Variants in TNS3 observed in about 807,000 individuals in gnomAD.
TNS3 encodes the protein tensin 3.
Under a neutral mutation model 140.9 loss-of-function variants are expected in TNS3, and 45 were observed. The ratio of observed to expected loss-of-function variants is 0.32; its 90% CI spans 0.25 to 0.41. The LOEUF is 0.41. Among genes scored for constraint, TNS3 ranks in the 10% least tolerant of loss-of-function variants. The pLI, the probability that TNS3 is intolerant of heterozygous loss-of-function variation, is 1.00. For missense variants in TNS3, 1,716 were observed against 1,906.7 expected (o/e 0.90, Z 1.86); for synonymous variants, 815 against 788.4 (o/e 1.03, Z -0.56).
In TNS3 at chr7:47,437,252, G is replaced by A. The variant is rs1181094130; in HGVS notation, c.201+11C>T. ...TACAAAATGCAGAATATAAAGGGAT[G>A]AACTCTGTACCTTTGGGTTAAGCTT... On this transcript the variant is annotated intron_variant, in intron 7 of 30. Transcript: ENST00000311160. The A allele has an allele frequency of 6.4e-7, 1 of 1,551,876 alleles. No individual in the cohort carries two copies. Among genetic ancestry groups the A allele is most frequent in the Non-Finnish European group, 8.7e-7 (1 of 1,152,614 alleles).
intron 9 of TNS3, among the ~76,000 whole-genome samples, chr7:47,427,683 G>A (rs1211828800): frequency 6.6e-6 from 1 of 152,116 alleles, no homozygotes; most frequent in African/African-American, 2.4e-5. Flanking sequence ...GACCCGAGTG[G>A]CACCTCCAAA....
At chr7:47,426,751 T>C (rs1262677765) in intron 9 of TNS3, among the ~76,000 whole-genome samples, 3 of 152,130 alleles carry the variant, frequency 2.0e-5, no homozygotes, top group Non-Finnish European at 4.4e-5. Flanking sequence ...CCCTAAGACA[T>C]CTACCCTTCC....
chr7:47,343,231 C>T (rs890256099), intron 20 of TNS3, among the ~76,000 whole-genome samples: 5 of 152,176 alleles, frequency 3.3e-5, no homozygotes, highest in Non-Finnish European at 7.3e-5. Context: ...GACAATCGGG[C>T]CAGCATAAGA....
chr7:47,315,437 CG>C (rs1189024067), intron 20 of TNS3, among the ~76,000 whole-genome samples: 3 of 152,208 alleles, frequency 2.0e-5, no homozygotes, highest in Non-Finnish European at 4.4e-5. Context: ...CCTCTCCTCT[CG>C]GCTTCCACCT....
intron 16 of TNS3, among the ~76,000 whole-genome samples, chr7:47,395,986 C>T (rs982744188): frequency 1.3e-5 from 2 of 152,224 alleles, no homozygotes; most frequent in African/African-American, 4.8e-5. Context: ...GGAAGCTCAG[C>T]GATCCACAAA....
In TNS3 at chr7:47,322,661, A is replaced by G. The variant is rs556800481; in HGVS notation, c.2651-17658T>C. Among the ~76,000 whole-genome samples, 24 of 152,338 alleles carry G rather than the reference A, an allele frequency of 1.6e-4. No individual in the cohort carries two copies. The South Asian group carries it at 2.1e-3, about 13-fold the overall frequency. On this transcript the variant is annotated intron_variant, in intron 20 of 30. Coordinates refer to ENST00000311160, the MANE Select transcript of TNS3 (RefSeq NM_022748.12). Reference sequence around the variant, plus strand: ...GAAAATGGTTTGTGAAAGCCTGTATATGACGAACATAAAACTGAGGGGAGT... The same window carrying G: ...GAAAATGGTTTGTGAAAGCCTGTATGTGACGAACATAAAACTGAGGGGAGT...
At chr7:47,457,605 AC>A (rs1201195643) in intron 4 of TNS3, among the ~76,000 whole-genome samples, 3 of 152,068 alleles carry the variant, frequency 2.0e-5, no homozygotes. Flanking sequence ...AAAACCCATC[AC>A]CACCATGGTT....
At chr7:47,424,235 C>T (rs944786555) in intron 9 of TNS3, 51 bp from the exon 10 acceptor site, 5 of 1,588,688 alleles carry the variant, frequency 3.1e-6, no homozygotes, top group Non-Finnish European at 4.3e-6. Flanking sequence ...GCCCACACCA[C>T]GTGGGTACTT....
chr7:47,531,816 CT>C (rs1351442601), intron 1 of TNS3, among the ~76,000 whole-genome samples: 9 of 152,194 alleles, frequency 5.9e-5, no homozygotes, highest in Admixed American at 1.3e-4. Context: ...GCCACTGCAG[CT>C]GCCCAAACTG....
intron 2 of TNS3, among the ~76,000 whole-genome samples, chr7:47,512,816 A>T (rs768063250): frequency 3.3e-5 from 5 of 152,268 alleles, no homozygotes; most frequent in Non-Finnish European, 7.3e-5. Flanking sequence ...AGCTGAAATG[A>T]ATTATTAGAA....
At chr7:47,379,215 G>A (rs1441311907) in intron 16 of TNS3, among the ~76,000 whole-genome samples, 7 of 152,194 alleles carry the variant, frequency 4.6e-5, no homozygotes, top group Non-Finnish European at 8.8e-5. Context: ...TGCAGACACC[G>A]AAAGACCTTC....
chr7:47,581,676 C>G (rs1784537360), intron 1 of TNS3: 1 of 152,634 alleles, frequency 6.6e-6, no homozygotes, highest in South Asian at 2.1e-4. Flanking sequence ...TCAGCGCCCC[C>G]GTCCCCGGAC....
Position 47,475,008 on chromosome 7 carries a change from G to A in TNS3, c.-76+6095C>T, listed in dbSNP as rs113769062. 1.9e-3 allele frequency among the ~76,000 whole-genome samples: 261 copies of A among 136,026 alleles called. 3 individuals are homozygous for A. Among genetic ancestry groups the A allele is most frequent in the African/African-American group, 6.6e-3 (240 of 36,100 alleles). The allele number at this position is 136,026 out of a possible 152,430, so 89.2% of individuals were successfully genotyped here. A position where few individuals can be genotyped will look rare whatever the true frequency, so the allele number is the denominator to read the frequency against. On this transcript the variant is annotated intron_variant, in intron 4 of 30. Transcript: ENST00000311160. Reference sequence around the variant, plus strand: ...GCAACGCACTCAAAGCACCTCACACGCAACACACAACACACACACCTCACA... The same window carrying A: ...GCAACGCACTCAAAGCACCTCACACACAACACACAACACACACACCTCACA...
At chr7:47,376,450 C>T (rs912558287) in intron 16 of TNS3, among the ~76,000 whole-genome samples, 5 of 152,174 alleles carry the variant, frequency 3.3e-5, no homozygotes, top group Non-Finnish European at 5.9e-5. Context: ...ACAAGGCCAC[C>T]GTGCAAGCTC....
rs368126646 is a variant in TNS3, at chr7:47,303,292, C to A, written c.3115G>T (p.Ala1039Ser). Residue 1039 changes from alanine to serine, a missense_variant, in exon 22 of 31, where the codon GCC becomes TCC. By Grantham distance (99) the Ala-to-Ser change is moderately conservative (BLOSUM62 1). Coordinates refer to ENST00000311160, the MANE Select transcript of TNS3 (RefSeq NM_022748.12). ...SGLPPEEDLGALLANSHGASP... is the reference protein window; with the variant it reads ...SGLPPEEDLGSLLANSHGASP... ...GCTCCATGAGAATTGGCCAGCAAGG[C>A]CCCCAGGTCCTCCTCGGGCGGAAGG... 4.3e-6 allele frequency: 7 copies of A among 1,613,464 alleles called. No individual in the cohort carries two copies. Among genetic ancestry groups the A allele is most frequent in the South Asian group, 1.1e-5 (1 of 91,028 alleles).
At chr7:47,278,253 T>C (rs946701115) in intron 30 of TNS3, 33 bp from the exon 31 acceptor site, 1 of 1,600,342 alleles carries the variant, frequency 6.2e-7, no homozygotes, top group Non-Finnish European at 8.5e-7. Flanking sequence ...GAGTGGTCAG[T>C]GTCCCACAAA....
rs151017287 is a variant in TNS3, at chr7:47,342,857, C to T, written c.2650+1898G>A. On this transcript the variant is annotated intron_variant, in intron 20 of 30. Coordinates refer to ENST00000311160, the MANE Select transcript of TNS3 (RefSeq NM_022748.12). ...GGAGGAGTCTCACAACTCCACTTGACTTTGCAGAGTGGGTGGGGCCTCCTG... is the reference window on the plus strand; with the variant it reads ...GGAGGAGTCTCACAACTCCACTTGATTTTGCAGAGTGGGTGGGGCCTCCTG... Among the ~76,000 whole-genome samples, 110 of 152,334 alleles carry T rather than the reference C, an allele frequency of 7.2e-4. 2 individuals carry two copies. In the South Asian group the frequency reaches 0.011, roughly 16 times the overall value.
intron 10 of TNS3, among the ~76,000 whole-genome samples, chr7:47,423,499 G>A (rs1190676293): frequency 6.6e-6 from 1 of 152,238 alleles, no homozygotes; most frequent in African/African-American, 2.4e-5. Flanking sequence ...CAGGGGCCAC[G>A]CCCAGGAGCA....
intron 16 of TNS3, among the ~76,000 whole-genome samples, chr7:47,394,283 G>A (rs972976822): frequency 1.3e-5 from 2 of 152,206 alleles, no homozygotes; most frequent in African/African-American, 2.4e-5. Flanking sequence ...GGTGCTCAGA[G>A]CATAAGGGTG....
Sources: gnomAD v4.1 joint callset for allele counts (sites outside exome capture counted in the v4.1 genomes callset) on GRCh38, gnomAD v4.1.1 for gene constraint, MANE v1.5 for transcripts, NCBI Gene and HGNC (gene_info 2026-07-23, HGNC 2026-07-21) for gene names.